Variants in FBXW7 observed in about 807,000 individuals in gnomAD.
The protein encoded by FBXW7 is F-box/WD repeat-containing protein 7.
A neutral mutation model predicts 86.3 loss-of-function variants in FBXW7; 11 were observed. The observed-to-expected ratio is 0.13, with a 90% CI of 0.08 to 0.21. The LOEUF (loss-of-function observed/expected upper bound fraction) is 0.21, where lower values mean the gene tolerates loss of function less well. Ranked by LOEUF, FBXW7 falls within the 10% of genes least tolerant of loss-of-function variation. FBXW7 has a pLI of 1.00. For missense variants in FBXW7, 488 were observed against 847.4 expected (o/e 0.58, Z 5.27); for synonymous variants, 313 against 297.9 (o/e 1.05, Z -0.52).
intron 2 of FBXW7, among the ~76,000 whole-genome samples, chr4:152,470,814 G>A (rs114940779): frequency 1.8e-3 from 281 of 152,038 alleles, no homozygotes; most frequent in African/African-American, 6.6e-3. Context: ...CATGCCTCAC[G>A]GAGATTAAGT....
intron 6 of FBXW7, 193 bp from the exon 7 acceptor site, chr4:152,338,129 T>C (rs1730349643): frequency 2.5e-6 from 1 of 393,238 alleles, no homozygotes; most frequent in East Asian, 3.7e-5. Flanking sequence ...CCAACAACTT[T>C]TATTTCGTAA....
Position 152,524,130 on chromosome 4 carries a change from A to T in FBXW7, c.-120+10811T>A, listed in dbSNP as rs534591226. Among the ~76,000 whole-genome samples, 14 of 152,338 alleles carry T rather than the reference A, an allele frequency of 9.2e-5. No homozygotes were observed. The South Asian group carries it at 2.7e-3, about 29-fold the overall frequency. ...GACACTGTGCTAAAGGCTTACATGC[A>T]TTATCTCACTCAATCCTCTTAATTA... On this transcript the variant is annotated intron_variant, in intron 2 of 13. Transcript: ENST00000281708.
At chr4:152,351,033 T>C (rs1260981040) in intron 4 of FBXW7, among the ~76,000 whole-genome samples, 1 of 152,030 alleles carries the variant, frequency 6.6e-6, no homozygotes, top group Non-Finnish European at 1.5e-5. Flanking sequence ...ACTTTTTCCA[T>C]TTCAACAACC....
At chr4:152,379,813 C>T (rs957970067) in intron 4 of FBXW7, among the ~76,000 whole-genome samples, 40 of 152,242 alleles carry the variant, frequency 2.6e-4, no homozygotes, top group African/African-American at 8.7e-4. Context: ...AATACATTAA[C>T]TACCAGTACT....
intron 2 of FBXW7, among the ~76,000 whole-genome samples, chr4:152,521,809 ATTTTTTTTTT>A (rs575881137): frequency 3.0e-4 from 30 of 100,742 alleles, no homozygotes; most frequent in South Asian, 1.7e-3. Flanking sequence ...TAAGGGTCCA[ATTTTTTTTTT>A]TTTTTTTTTT....
chr4:152,452,011 C>T lies in FBXW7; in HGVS notation c.-119-39482G>A, dbSNP rs978476352. Among the ~76,000 whole-genome samples, 4 of 152,000 alleles carry T rather than the reference C, an allele frequency of 2.6e-5. No homozygotes were observed. In the East Asian group the frequency reaches 7.7e-4, roughly 29 times the overall value. ...TAAGATGTTACTTATGTTTTTTACT[C>T]TGTCTCTTGAGTATACACAAAGTAA... On this transcript the variant is annotated intron_variant, in intron 2 of 13. Transcript: ENST00000281708.
At chr4:152,330,056 T>C (rs1729405334) in intron 9 of FBXW7, among the ~76,000 whole-genome samples, 1 of 151,886 alleles carries the variant, frequency 6.6e-6, no homozygotes, top group African/African-American at 2.4e-5. Flanking sequence ...ACCAATGTAT[T>C]TGACAATAAT....
chr4:152,438,901 C>T (rs1740624790), intron 2 of FBXW7, among the ~76,000 whole-genome samples: 1 of 152,156 alleles, frequency 6.6e-6, no homozygotes, highest in Non-Finnish European at 1.5e-5. Context: ...CTACAGACAA[C>T]AGTCTACTTT....
chr4:152,462,191 C>T (rs1302686978), intron 2 of FBXW7, among the ~76,000 whole-genome samples: 2 of 152,184 alleles, frequency 1.3e-5, no homozygotes, highest in Non-Finnish European at 2.9e-5. Context: ...GATGTGTGGC[C>T]TACATCCTCT....
chr4:152,477,879 A>G (rs989101603), intron 2 of FBXW7, among the ~76,000 whole-genome samples: 1 of 152,146 alleles, frequency 6.6e-6, no homozygotes, highest in African/African-American at 2.4e-5. Flanking sequence ...AAATAACATG[A>G]TATGAGAGTA....
At chr4:152,496,373 T>A (rs79195859) in intron 2 of FBXW7, among the ~76,000 whole-genome samples, 33 of 150,840 alleles carry the variant, frequency 2.2e-4, no homozygotes, top group Non-Finnish European at 3.8e-4. Flanking sequence ...AAAAAAAAAA[T>A]CTAATGAAGA....
chr4:152,510,645 G>T (rs77010988), intron 2 of FBXW7, among the ~76,000 whole-genome samples: 1 of 152,102 alleles, frequency 6.6e-6, no homozygotes, highest in African/African-American at 2.4e-5. Flanking sequence ...TATTGGGAAA[G>T]CTATGAGATT....
At chr4:152,526,754 C>CT (rs1247430744) in intron 2 of FBXW7, among the ~76,000 whole-genome samples, 1 of 152,126 alleles carries the variant, frequency 6.6e-6, no homozygotes, top group Non-Finnish European at 1.5e-5. Flanking sequence ...ATCATAATCA[C>CT]TAACTATTCA....
intron 4 of FBXW7, among the ~76,000 whole-genome samples, chr4:152,370,454 C>A (rs1420234833): frequency 6.6e-6 from 1 of 151,838 alleles, no homozygotes; most frequent in African/African-American, 2.4e-5. Flanking sequence ...GTGGGGAGTG[C>A]TACCTTTACT....
chr4:152,366,155 A>C (rs950677054), intron 4 of FBXW7, among the ~76,000 whole-genome samples: 1 of 152,186 alleles, frequency 6.6e-6, no homozygotes, highest in African/African-American at 2.4e-5. Context: ...ATCATTTTAT[A>C]ATTATACTGT....
chr4:152,520,129 G>A (rs1384649901), intron 2 of FBXW7, among the ~76,000 whole-genome samples: 9 of 152,126 alleles, frequency 5.9e-5, no homozygotes, highest in Admixed American at 5.9e-4. Flanking sequence ...AAAATAACTG[G>A]GGGTAAAAAA....
At chr4:152,405,527 TA>T (rs1270299652) in intron 4 of FBXW7, among the ~76,000 whole-genome samples, 5 of 152,216 alleles carry the variant, frequency 3.3e-5, no homozygotes, top group African/African-American at 7.2e-5. Context: ...GGGCACCAGA[TA>T]TCTGTATTGA....
At chr4:152,383,372 T>C (rs993642751) in intron 4 of FBXW7, among the ~76,000 whole-genome samples, 9 of 152,096 alleles carry the variant, frequency 5.9e-5, no homozygotes, top group African/African-American at 2.2e-4. Context: ...TAAGATAAAG[T>C]CTGGAGATGA....
intron 4 of FBXW7, among the ~76,000 whole-genome samples, chr4:152,375,489 G>C (rs1734418489): frequency 6.6e-6 from 1 of 151,854 alleles, no homozygotes; most frequent in Admixed American, 6.6e-5. Flanking sequence ...TAATATAGGT[G>C]ACAAGTCTAT....
Sources: allele counts gnomAD v4.1 joint callset (sites outside exome capture counted in the v4.1 genomes callset), GRCh38; gene constraint gnomAD v4.1.1; transcripts MANE v1.5; gene names NCBI Gene and HGNC (gene_info 2026-07-23, HGNC 2026-07-21).